Variants in ZNF503 observed in about 807,000 individuals in gnomAD.
ZNF503 encodes NocA-like zinc finger 2.
A neutral mutation model predicts 34.4 loss-of-function variants in ZNF503; 15 were observed. The observed-to-expected ratio is 0.44, with a 90% confidence interval of 0.29 to 0.67. ZNF503 has a LOEUF of 0.67. Among genes scored for constraint, ZNF503 ranks in the 30% least tolerant of loss-of-function variants. ZNF503 has a pLI of 0.13. For missense variants in ZNF503, 1,007 were observed against 926.8 expected (o/e 1.09, Z -1.12); for synonymous variants, 580 against 456.8 (o/e 1.27, Z -3.44).
chr10:75,306,908 C>T, the ZNF503 span, among the ~76,000 whole-genome samples: 2 of 152,188 alleles, frequency 1.3e-5, no homozygotes, highest in Non-Finnish European at 2.9e-5. Flanking sequence ...GCCCCACCAA[C>T]TGGCCATTCC....
the ZNF503 span, among the ~76,000 whole-genome samples, chr10:75,341,657 C>A: frequency 6.6e-6 from 1 of 152,032 alleles, no homozygotes. Flanking sequence ...TAAGCGAACA[C>A]CCATAAAACA....
intron 1 of ZNF503, 66 bp from the exon 2 acceptor site, chr10:75,400,440 T>C: frequency 1.3e-6 from 2 of 1,501,570 alleles, no homozygotes; most frequent in South Asian, 1.3e-5. Context: ...TTTAGAATCC[T>C]GGCTTCTGGG....
the ZNF503 span, among the ~76,000 whole-genome samples, chr10:75,378,955 A>G: frequency 0.039 from 5,974 of 152,054 alleles, 108 homozygotes; most frequent in African/African-American, 0.054. Context: ...GTTTCCTACC[A>G]CCCTGTCTGT....
chr10:75,373,920 C>A, the ZNF503 span, among the ~76,000 whole-genome samples: 1 of 152,340 alleles, frequency 6.6e-6, no homozygotes, highest in South Asian at 2.1e-4. Context: ...GTGTGGCCAG[C>A]AGCAGAAGGG....
the ZNF503 span, among the ~76,000 whole-genome samples, chr10:75,364,708 GA>G: frequency 2.0e-5 from 3 of 151,142 alleles, no homozygotes; most frequent in African/African-American, 4.9e-5. Flanking sequence ...AGACTAATTA[GA>G]AAAAAAAATT....
chr10:75,362,085 T>G, the ZNF503 span, among the ~76,000 whole-genome samples: 1 of 152,178 alleles, frequency 6.6e-6, no homozygotes, highest in African/African-American at 2.4e-5. Flanking sequence ...GGGCTGCAAC[T>G]GAACAGTGTT....
the ZNF503 span, among the ~76,000 whole-genome samples, chr10:75,287,393 G>A: frequency 1.3e-5 from 2 of 152,048 alleles, no homozygotes; most frequent in Non-Finnish European, 2.9e-5. Context: ...CCTGGTCCTA[G>A]GGGACATATC....
chr10:75,392,580 G>T, the ZNF503 span, among the ~76,000 whole-genome samples: 1 of 152,136 alleles, frequency 6.6e-6, no homozygotes, highest in Non-Finnish European at 1.5e-5. Flanking sequence ...AGGATGGGCT[G>T]GGGGGCTAGC....
chr10:75,392,543 G>A, the ZNF503 span, among the ~76,000 whole-genome samples: 1 of 152,218 alleles, frequency 6.6e-6, no homozygotes, highest in Non-Finnish European at 1.5e-5. Context: ...AGGAGTGTAT[G>A]ATGGGTGCCA....
chr10:75,308,470 T>C, the ZNF503 span, among the ~76,000 whole-genome samples: 1 of 152,184 alleles, frequency 6.6e-6, no homozygotes, highest in African/African-American at 2.4e-5. Flanking sequence ...AACTTTCAAG[T>C]CTTAATAGTC....
the ZNF503 span, among the ~76,000 whole-genome samples, chr10:75,282,258 C>T: frequency 6.7e-6 from 1 of 149,460 alleles, no homozygotes; most frequent in East Asian, 1.9e-4. Flanking sequence ...CAATCACAGG[C>T]AAGGGGAAGT....
In ZNF503 at chr10:75,398,962, G is replaced by A. The variant is rs1280561802; in HGVS notation, c.1728C>T (p.Pro576=). 1.9e-6 allele frequency: 3 copies of A among 1,604,116 alleles called. No individual in the cohort carries two copies. Among genetic ancestry groups the A allele is most frequent in the Admixed American group, 3.3e-5 (2 of 59,730 alleles). The change falls in exon 2 of 2, where the codon CCC becomes CCT. Residue 576 remains proline, a synonymous_variant. Coordinates refer to ENST00000372524, the MANE Select transcript of ZNF503 (RefSeq NM_032772.6). ...AAAMACHMHI[P]TSGAPGSPGT... ...CAGGGCTGCCCGGTGCGCCCGAGGTGGGGATGTGCATGTGGCAAGCCATGG... is the reference window on the plus strand; with the variant it reads ...CAGGGCTGCCCGGTGCGCCCGAGGTAGGGATGTGCATGTGGCAAGCCATGG...
At chr10:75,360,249 T>G in the ZNF503 span, among the ~76,000 whole-genome samples, 2 of 151,684 alleles carry the variant, frequency 1.3e-5, no homozygotes, top group East Asian at 3.9e-4. Flanking sequence ...GCCTCCCTAG[T>G]AGCTGGGACT....
the ZNF503 span, among the ~76,000 whole-genome samples, chr10:75,351,984 A>T: frequency 2.0e-5 from 3 of 152,304 alleles, no homozygotes; most frequent in East Asian, 5.8e-4. Flanking sequence ...CCTTGCCGCC[A>T]CAAGGTGAGC....
At chr10:75,382,529 G>A in the ZNF503 span, 2 of 686,334 alleles carry the variant, frequency 2.9e-6, no homozygotes, top group Non-Finnish European at 4.7e-6. Flanking sequence ...TTCCTCAGAA[G>A]AGTCTAAGAT....
chr10:75,349,224 A>G, the ZNF503 span, among the ~76,000 whole-genome samples: 1 of 152,348 alleles, frequency 6.6e-6, no homozygotes, highest in South Asian at 2.1e-4. Flanking sequence ...AAAATCAATA[A>G]TCCAATCTTC....
At chr10:75,281,982 G>A in the ZNF503 span, among the ~76,000 whole-genome samples, 1 of 152,246 alleles carries the variant, frequency 6.6e-6, no homozygotes, top group Non-Finnish European at 1.5e-5. Flanking sequence ...TCTTCCATCA[G>A]ACCAAGAGGT....
the ZNF503 span, among the ~76,000 whole-genome samples, chr10:75,340,227 C>A: frequency 6.6e-6 from 1 of 151,998 alleles, no homozygotes; most frequent in South Asian, 2.1e-4. Flanking sequence ...GCCTGGGCAA[C>A]ATAGTGAGAC....
chr10:75,377,937 T>C, the ZNF503 span, among the ~76,000 whole-genome samples: 1 of 152,062 alleles, frequency 6.6e-6, no homozygotes, highest in Non-Finnish European at 1.5e-5. Context: ...CTTTCGATCA[T>C]GGTGGAAGTT....
Sources: gnomAD v4.1 joint callset for allele counts (sites outside exome capture counted in the v4.1 genomes callset) on GRCh38, gnomAD v4.1.1 for gene constraint, MANE v1.5 for transcripts, NCBI Gene and HGNC (gene_info 2026-07-23, HGNC 2026-07-21) for gene names.